The following DOCK8 variants were observed in gnomAD, a reference collection of about 807,000 sequenced individuals.
DOCK8 encodes the protein dedicator of cytokinesis protein 8.
DOCK8 carries 141 observed loss-of-function variants against 245.6 expected under a neutral mutation model. That is an observed-to-expected ratio of 0.57 (90% confidence interval 0.50 to 0.66). The LOEUF is 0.66. Ranked by LOEUF, DOCK8 falls within the 30% of genes least tolerant of loss-of-function variation. The pLI is 0.00. For missense variants in DOCK8, 2,965 were observed against 2,603.4 expected, an observed-to-expected ratio of 1.14 and a Z score of -3.02; for synonymous variants, 1,168 against 970.2, an observed-to-expected ratio of 1.20 and a Z score of -3.79.
intron 4 of DOCK8, among the ~76,000 whole-genome samples, chr9:293,098 A>C (rs1259853548): frequency 6.6e-6 from 1 of 152,202 alleles, no homozygotes; most frequent in East Asian, 1.9e-4. Context: ...TGTGTAATGG[A>C]GCAGTTCCCT....
intron 14 of DOCK8, chr9:366,491 A>G (rs942090475): frequency 1.3e-5 from 2 of 152,104 alleles, no homozygotes; most frequent in African/African-American, 4.8e-5. Flanking sequence ...TTTGCAAGAG[A>G]TTTGAGAATC....
At chr9:228,987 T>A (rs771811161) in intron 1 of DOCK8, among the ~76,000 whole-genome samples, 25 of 152,198 alleles carry the variant, frequency 1.6e-4, no homozygotes, top group Admixed American at 4.6e-4. Context: ...TTTTGCATTC[T>A]TAGCTGGTAA....
intron 46 of DOCK8, chr9:452,452 A>G: frequency 5.7e-6 from 1 of 175,546 alleles, no homozygotes; most frequent in South Asian, 1.2e-4. Context: ...AACAAGTATC[A>G]TCATCTTCCT....
chr9:359,843 A>T (rs1439022018), intron 14 of DOCK8, among the ~76,000 whole-genome samples: 1 of 151,598 alleles, frequency 6.6e-6, no homozygotes, highest in East Asian at 1.9e-4. Context: ...GGAGAATTTT[A>T]AAACACAAAT....
chr9:329,188 G>C (rs1224823434), intron 9 of DOCK8, among the ~76,000 whole-genome samples: 3 of 152,074 alleles, frequency 2.0e-5, no homozygotes, highest in Non-Finnish European at 4.4e-5. Context: ...CTGATCTCAG[G>C]TGATTCACCT....
intron 2 of DOCK8, among the ~76,000 whole-genome samples, chr9:283,297 T>G (rs1447255558): frequency 6.6e-6 from 1 of 152,220 alleles, no homozygotes; most frequent in Non-Finnish European, 1.5e-5. Context: ...TGCTCCAAAA[T>G]CTGAAACTTT....
intron 9 of DOCK8, among the ~76,000 whole-genome samples, chr9:328,941 C>CTTTTTTTTTTTTTTTTTT (rs1165346763): frequency 4.2e-5 from 3 of 71,344 alleles, no homozygotes; most frequent in African/African-American, 1.1e-4. Flanking sequence ...CTTATTGATT[C>CTTTTTTTTTTTTTTTTTT]TTTTTTTTTT....
intron 42 of DOCK8, 33 bp from the exon 43 acceptor site, chr9:443,394 A>C: frequency 6.3e-7 from 1 of 1,591,372 alleles, no homozygotes; most frequent in Non-Finnish European, 8.6e-7. Context: ...ATGTTAAAAT[A>C]ACCTTTATAA....
At chr9:304,121 T>C (rs2130585759) in intron 4 of DOCK8, among the ~76,000 whole-genome samples, 1 of 152,384 alleles carries the variant, frequency 6.6e-6, no homozygotes, top group Non-Finnish European at 1.5e-5. Flanking sequence ...CATTTATTTT[T>C]ATTTTTTCTT....
intron 26 of DOCK8, 52 bp downstream of exon 26, chr9:399,311 A>T: frequency 8.5e-7 from 1 of 1,179,758 alleles, no homozygotes; most frequent in Non-Finnish European, 1.2e-6. Flanking sequence ...GTTCCTTCTC[A>T]TATAATGTGA....
At chr9:311,393 C>T (rs913005617) in intron 5 of DOCK8, among the ~76,000 whole-genome samples, 2 of 150,616 alleles carry the variant, frequency 1.3e-5, no homozygotes, top group East Asian at 1.9e-4. Flanking sequence ...TGTAGGTGCA[C>T]GCCACCATGC....
At chr9:431,753 C>A (rs933394173) in intron 36 of DOCK8, among the ~76,000 whole-genome samples, 1 of 152,148 alleles carries the variant, frequency 6.6e-6, no homozygotes, top group Non-Finnish European at 1.5e-5. Flanking sequence ...AAGTGATCCA[C>A]CCTCCTTGGC....
At chr9:288,000 C>T (rs147740658) in intron 3 of DOCK8, among the ~76,000 whole-genome samples, 300 of 151,372 alleles carry the variant, frequency 2.0e-3, no homozygotes, top group African/African-American at 6.9e-3. Flanking sequence ...ATAGTGAGAC[C>T]CTGTTTCTTA....
intron 16 of DOCK8, among the ~76,000 whole-genome samples, chr9:371,115 C>T (rs1355090438): frequency 6.6e-6 from 1 of 152,146 alleles, no homozygotes; most frequent in Non-Finnish European, 1.5e-5. Flanking sequence ...AGCAGGAGTC[C>T]AAACCTCATC....
intron 33 of DOCK8, among the ~76,000 whole-genome samples, chr9:426,504 C>G (rs1484154821): frequency 2.0e-5 from 3 of 152,240 alleles, no homozygotes; most frequent in Non-Finnish European, 4.4e-5. Flanking sequence ...CTTCCCCTTA[C>G]TCAGATCTAG....
intron 1 of DOCK8, among the ~76,000 whole-genome samples, chr9:254,125 A>G (rs950731822): frequency 6.6e-5 from 10 of 152,204 alleles, no homozygotes; most frequent in Non-Finnish European, 1.0e-4. Flanking sequence ...ACAGTAAGAT[A>G]TATTCTTAAT....
chr9:428,588 C>G (rs1337594554), intron 35 of DOCK8, 92 bp downstream of exon 35: 13 of 1,495,100 alleles, frequency 8.7e-6, no homozygotes, highest in Non-Finnish European at 1.2e-5. Context: ...CCAAAAGTCA[C>G]AGAGCATATT....
chr9:290,269 G>GT (rs57097950), intron 4 of DOCK8, among the ~76,000 whole-genome samples: 337 of 145,216 alleles, frequency 2.3e-3, no homozygotes, highest in East Asian at 4.8e-3. Context: ...ACATTATGAG[G>GT]TTTTTTTTTT....
intron 5 of DOCK8, among the ~76,000 whole-genome samples, chr9:307,262 G>A (rs1203704362): frequency 6.7e-6 from 1 of 148,754 alleles, no homozygotes; most frequent in African/African-American, 2.5e-5. Flanking sequence ...GAAGACCAGC[G>A]TACACACAAA....
Sources: allele counts gnomAD v4.1 joint callset (sites outside exome capture counted in the v4.1 genomes callset), GRCh38; gene constraint gnomAD v4.1.1; transcripts MANE v1.5; gene names NCBI Gene and HGNC (gene_info 2026-07-23, HGNC 2026-07-21).